Variants in THBS4 observed in about 807,000 individuals in gnomAD.
The protein encoded by THBS4 is thrombospondin-4.
THBS4 carries 90 observed loss-of-function variants against 115.7 expected under a neutral mutation model. The ratio of observed to expected loss-of-function variants is 0.78; its 90% CI spans 0.66 to 0.93. THBS4 has a LOEUF of 0.93. THBS4 is among the 40% of genes least tolerant of loss of function. The pLI, the probability that THBS4 is intolerant of heterozygous loss-of-function variation, is 0.00. For synonymous variants in THBS4, 460 were observed against 479.3 expected, an observed-to-expected ratio of 0.96 and a Z score of 0.53; for missense variants, 1,087 against 1,232.7, an observed-to-expected ratio of 0.88 and a Z score of 1.77.
chr5:80,076,774 C>A, intron 15 of THBS4, 81 bp from the exon 16 acceptor site: 1 of 1,342,432 alleles, frequency 7.4e-7, no homozygotes, highest in Non-Finnish European at 9.8e-7. Context: ...AAACCTCAAG[C>A]ACAGACTCTC....
intron 2 of THBS4, among the ~76,000 whole-genome samples, chr5:80,018,547 A>G (rs979894411): frequency 6.6e-6 from 1 of 151,698 alleles, no homozygotes; most frequent in Non-Finnish European, 1.5e-5. Flanking sequence ...GGCACCTGCC[A>G]CCACACCCGG....
In THBS4 at chr5:80,078,110, C is replaced by A; in HGVS notation, c.2148C>A (p.Ile716=). 1 of 1,611,174 alleles carries A rather than the reference C, an allele frequency of 6.2e-7. No individual in the cohort carries two copies. Among genetic ancestry groups the A allele is most frequent in the South Asian group, 1.1e-5 (1 of 90,542 alleles). ...DFDQDQVIDR[I]DVCPENAEVT... ...ACCAGGACCAGGTCATCGATCGGATCGACGTCTGCCCAGAGAACGCAGAGG... is the reference window on the plus strand; with the variant it reads ...ACCAGGACCAGGTCATCGATCGGATAGACGTCTGCCCAGAGAACGCAGAGG... Residue 716 remains isoleucine (I), a synonymous_variant, in exon 17 of 22, where the codon ATC becomes ATA. Coordinates refer to ENST00000350881, the MANE Select transcript of THBS4 (RefSeq NM_003248.6).
At chr5:80,077,096 A>G in intron 16 of THBS4, 48 bp downstream of exon 16, 1 of 1,475,364 alleles carries the variant, frequency 6.8e-7, no homozygotes, top group Non-Finnish European at 9.0e-7. Context: ...GGCTCCCTTC[A>G]GCCAGGCACA....
At chr5:80,006,732 G>A (rs1477814796) in intron 2 of THBS4, among the ~76,000 whole-genome samples, 1 of 152,172 alleles carries the variant, frequency 6.6e-6, no homozygotes, top group East Asian at 1.9e-4. Context: ...CATTGCAAGA[G>A]CTGGTTTAGA....
At chr5:80,079,289 T>C (rs1241182414) in intron 19 of THBS4, 31 bp downstream of exon 19, 2 of 1,560,724 alleles carry the variant, frequency 1.3e-6, no homozygotes, top group Admixed American at 3.8e-5. Context: ...TTCATCTCCC[T>C]TTCTTCTGGA....
upstream of THBS4, among the ~76,000 whole-genome samples, chr5:80,031,355 G>A (rs1832583831): frequency 6.6e-6 from 1 of 152,134 alleles, no homozygotes; most frequent in African/African-American, 2.4e-5. Context: ...GAAGGGAAGT[G>A]GTGGGGCTTG....
Position 80,070,398 on chromosome 5 carries a change from G to C in THBS4, c.1440G>C (p.Arg480Ser), listed in dbSNP as rs1199957501. 6.2e-7 allele frequency: 1 copy of C among 1,614,070 alleles called. No homozygotes were observed. Among genetic ancestry groups the C allele is most frequent in the Admixed American group, 1.7e-5 (1 of 60,002 alleles). Residue 480 changes from arginine to serine, a missense_variant, in exon 11 of 22, where the codon AGG becomes AGC. By Grantham distance (110) the Arg-to-Ser change is moderately radical. Around this residue, in one of 3 missense-constraint regions of THBS4, gnomAD observed 979 missense variants for 1,103.7 expected, o/e 0.89. Coordinates refer to ENST00000350881, the MANE Select transcript of THBS4 (RefSeq NM_003248.6). ...ACGAAGAACTGCCATGCTCTGCCAG[G>C]AACTGTAAAAAGGTAAGGGGTGTGG... Reference protein sequence around the residue: ...YPDEELPCSARNCKKDNCKYV... With the variant: ...YPDEELPCSASNCKKDNCKYV...
Position 80,035,707 on chromosome 5 carries a change from C to G in THBS4, c.88+82C>G, listed in dbSNP as rs1832698843. 1.0e-6 allele frequency: 1 copy of G among 989,058 alleles called. No individual in the cohort carries two copies. 61.3% of individuals were successfully genotyped at this position (989,058 alleles called of 1,614,324 possible). On this transcript the variant is annotated intron_variant, in intron 1 of 21. Transcript: ENST00000350881. This position sits in a 1 kb window ranked among gnomAD's most constrained non-coding sequence, Gnocchi z 4.6. ...AGTGAGTGGAGGGACTTGCTCGGCC[C>G]TGTGCTCCTGTGGCCTTGCTCAGCC...
At chr5:80,059,588 C>T (rs1833555977) in intron 6 of THBS4, 97 bp downstream of exon 6, 1 of 1,593,302 alleles carries the variant, frequency 6.3e-7, no homozygotes, top group African/African-American at 1.3e-5. Context: ...TTCTGAAGGT[C>T]TACCACATAG....
chr5:80,003,516 A>G (rs1259983181), intron 2 of THBS4, among the ~76,000 whole-genome samples: 1 of 152,192 alleles, frequency 6.6e-6, no homozygotes, highest in Admixed American at 6.5e-5. Context: ...CAAATGGTTC[A>G]AGCAGCTGCC....
At chr5:80,009,651 A>G (rs757299478) in intron 2 of THBS4, among the ~76,000 whole-genome samples, 3 of 113,972 alleles carry the variant, frequency 2.6e-5, no homozygotes, top group Non-Finnish European at 5.8e-5. Flanking sequence ...CAATGAAGAA[A>G]AACTCAAAAA....
chr5:80,002,762 A>G (rs1438799487), intron 2 of THBS4, among the ~76,000 whole-genome samples: 14 of 147,576 alleles, frequency 9.5e-5, no homozygotes, highest in Non-Finnish European at 1.8e-4. Flanking sequence ...AAAAAAAAAA[A>G]GGAAAACCTA....
chr5:79,991,723 G>C (rs72772244), intron 1 of THBS4, among the ~76,000 whole-genome samples: 8,264 of 152,238 alleles, frequency 0.054, 311 homozygotes, highest in Middle Eastern at 0.095. Flanking sequence ...CTGCTTAAAA[G>C]TTACAGTATT....
chr5:80,058,139 G>A, intron 3 of THBS4, 67 bp from the exon 4 acceptor site: 5 of 1,234,746 alleles, frequency 4.0e-6, no homozygotes, highest in Non-Finnish European at 5.8e-6. Context: ...AAAATTGCGT[G>A]AGTAGGCAAG....
chr5:80,052,343 C>T (rs769064310), intron 2 of THBS4: 19 of 152,220 alleles, frequency 1.2e-4, no homozygotes, highest in Admixed American at 5.2e-4. Flanking sequence ...GAATTCTCAA[C>T]AATTAATATT....
At chr5:80,062,670 G>C (rs989087686) in intron 8 of THBS4, among the ~76,000 whole-genome samples, 1 of 152,122 alleles carries the variant, frequency 6.6e-6, no homozygotes, top group Non-Finnish European at 1.5e-5. Context: ...ATCTCCTAAT[G>C]CTATCCTTCC....
At chr5:80,042,819 AG>A (rs1383424273) in intron 2 of THBS4, among the ~76,000 whole-genome samples, 5 of 152,158 alleles carry the variant, frequency 3.3e-5, no homozygotes, top group Non-Finnish European at 5.9e-5. Flanking sequence ...TACAAAAATT[AG>A]CCAGGCATGG....
At chr5:80,032,630 G>T (rs776581014), upstream of THBS4, among the ~76,000 whole-genome samples, 10 of 152,242 alleles carry the variant, frequency 6.6e-5, no homozygotes, top group African/African-American at 7.2e-5. Flanking sequence ...GTAGGTCCAA[G>T]AGTCCAAAAG....
chr5:79,995,462 A>G (rs867153734), intron 1 of THBS4, among the ~76,000 whole-genome samples: 1 of 152,112 alleles, frequency 6.6e-6, no homozygotes, highest in Non-Finnish European at 1.5e-5. Flanking sequence ...GTCTAAGAGC[A>G]TGAGGAATAT....
Sources: gnomAD v4.1 joint callset for allele counts (sites outside exome capture counted in the v4.1 genomes callset) on GRCh38, gnomAD v4.1.1 for gene constraint, gnomAD v4.1.1 regional missense constraint, Gnocchi (gnomAD v3.1) non-coding constraint, MANE v1.5 for transcripts, NCBI Gene and HGNC (gene_info 2026-07-23, HGNC 2026-07-21) for gene names.